PVT1: variants seen among roughly 807,000 people sequenced by gnomAD.
PVT1 encodes Pvt1 oncogene.
At chr8:128,034,169 T>C (rs2130076023) in intron 4 of PVT1, among the ~76,000 whole-genome samples, 1 of 151,054 alleles carries the variant, frequency 6.6e-6, no homozygotes, top group South Asian at 2.1e-4. Context: ...CACCCCCTCT[T>C]TTCTCTCCTC....
chr8:127,845,754 T>C (rs920202054), intron 2 of PVT1, among the ~76,000 whole-genome samples: 24 of 152,216 alleles, frequency 1.6e-4, no homozygotes, highest in Non-Finnish European at 3.4e-4. Flanking sequence ...GAATTCTTAG[T>C]AGACCTGAGA....
chr8:128,088,705 A>G (rs1028794714), intron 5 of PVT1, among the ~76,000 whole-genome samples: 4 of 152,230 alleles, frequency 2.6e-5, no homozygotes, highest in Non-Finnish European at 5.9e-5. Context: ...CAGTTTGGGG[A>G]TGGAGTGTTC....
chr8:127,980,988 G>T (rs1242545799), intron 3 of PVT1, among the ~76,000 whole-genome samples: 3 of 151,884 alleles, frequency 2.0e-5, no homozygotes, highest in Non-Finnish European at 2.9e-5. Flanking sequence ...GTAGAGATGG[G>T]GTTTCACCAT....
At chr8:127,908,187 T>G (rs893587423) in intron 3 of PVT1, among the ~76,000 whole-genome samples, 1 of 152,034 alleles carries the variant, frequency 6.6e-6, no homozygotes, top group Admixed American at 6.6e-5. Context: ...ACAACCACAT[T>G]TTAGTATTCC....
intron 4 of PVT1, among the ~76,000 whole-genome samples, chr8:127,996,385 C>T (rs1817104128): frequency 6.6e-6 from 1 of 151,578 alleles, no homozygotes; most frequent in Admixed American, 6.6e-5. Context: ...TGGTCACCCT[C>T]CCAGAGCTGG....
At chr8:127,841,259 C>A (rs1457128179) in intron 2 of PVT1, among the ~76,000 whole-genome samples, 1 of 152,042 alleles carries the variant, frequency 6.6e-6, no homozygotes, top group African/African-American at 2.4e-5. Flanking sequence ...GTACTATTAG[C>A]CCCATTTATT....
At chr8:128,008,897 TC>T in intron 4 of PVT1, 1 of 519,730 alleles carries the variant, frequency 1.9e-6, no homozygotes, top group Non-Finnish European at 4.0e-6. Flanking sequence ...TTTTTTCATA[TC>T]AGTGTTCATG....
At chr8:128,000,872 C>A (rs1817169736) in intron 4 of PVT1, among the ~76,000 whole-genome samples, 3 of 152,230 alleles carry the variant, frequency 2.0e-5, no homozygotes, top group Non-Finnish European at 4.4e-5. Flanking sequence ...GATCCCATCA[C>A]CAAAGGGGTG....
chr8:127,892,383 T>C (rs569009516), intron 3 of PVT1, among the ~76,000 whole-genome samples: 2 of 152,350 alleles, frequency 1.3e-5, no homozygotes, highest in East Asian at 1.9e-4. Context: ...TTTTATTTGT[T>C]GCATCACAGT....
chr8:127,924,763 G>C (rs1400099092), intron 3 of PVT1, among the ~76,000 whole-genome samples: 1 of 151,910 alleles, frequency 6.6e-6, no homozygotes, highest in Non-Finnish European at 1.5e-5. Context: ...CGCCCACCTC[G>C]GCCTCCCAAA....
intron 4 of PVT1, among the ~76,000 whole-genome samples, chr8:128,019,844 AG>A (rs944476634): frequency 1.3e-5 from 2 of 152,224 alleles, no homozygotes; most frequent in African/African-American, 4.8e-5. Flanking sequence ...GTGCACTTGC[AG>A]TGGACAAAAA....
intron 2 of PVT1, among the ~76,000 whole-genome samples, chr8:127,809,036 AAAAAAAAAAAAAAAAAAAAG>A (rs1458910481): frequency 6.9e-6 from 1 of 144,856 alleles, no homozygotes; most frequent in Non-Finnish European, 1.5e-5. Flanking sequence ...TCTCAAAAAA[AAAAAAAAAAAAAAAAAAAAG>A]AAAGAAAAAA....
intron 2 of PVT1, among the ~76,000 whole-genome samples, chr8:127,826,540 C>A (rs969915151): frequency 1.3e-5 from 2 of 152,062 alleles, no homozygotes; most frequent in Non-Finnish European, 2.9e-5. Flanking sequence ...AAGTAAGGCT[C>A]CAGATGGTGA....
intron 2 of PVT1, among the ~76,000 whole-genome samples, chr8:127,806,902 C>G (rs992356407): frequency 2.6e-5 from 4 of 152,206 alleles, no homozygotes; most frequent in Admixed American, 1.3e-4. Context: ...CTGACTGGGA[C>G]TCTGTTGTAT....
intron 4 of PVT1, among the ~76,000 whole-genome samples, chr8:128,021,311 T>TTTTTTTTTTTA (rs1817432063): frequency 1.3e-5 from 2 of 148,244 alleles, no homozygotes; most frequent in Non-Finnish European, 3.0e-5. Context: ...TTTTTTTTTT[T>TTTTTTTTTTTA]GAGACGGAGT....
chr8:127,830,964 C>T (rs745947509), intron 2 of PVT1, among the ~76,000 whole-genome samples: 1 of 152,044 alleles, frequency 6.6e-6, no homozygotes, highest in African/African-American at 2.4e-5. Context: ...CTCCTTGCCC[C>T]TCAAACTTGC....
chr8:127,887,710 A>G (rs1815541457), intron 2 of PVT1, among the ~76,000 whole-genome samples: 1 of 151,962 alleles, frequency 6.6e-6, no homozygotes. Flanking sequence ...TATTTTTAGT[A>G]GAGACGGGGT....
intron 2 of PVT1, among the ~76,000 whole-genome samples, chr8:127,832,674 T>G (rs552961825): frequency 6.6e-6 from 1 of 152,158 alleles, no homozygotes; most frequent in South Asian, 2.1e-4. Context: ...CTGGCTAACA[T>G]GGTGAAACCC....
intron 4 of PVT1, among the ~76,000 whole-genome samples, chr8:128,003,606 T>C (rs1563663077): frequency 6.6e-6 from 1 of 152,250 alleles, no homozygotes. Context: ...GTACTGGGAT[T>C]ACGGGTGTGC....
Sources: gnomAD v4.1 joint callset for allele counts (sites outside exome capture counted in the v4.1 genomes callset) on GRCh38, gnomAD v4.1.1 for gene constraint, MANE v1.5 for transcripts, NCBI Gene and HGNC (gene_info 2026-07-23, HGNC 2026-07-21) for gene names.